Variants in RGS19 observed in about 807,000 individuals in gnomAD.
RGS19 encodes the protein G alpha interacting protein.
Under a neutral mutation model 22.0 loss-of-function variants are expected in RGS19, and 9 were observed. The observed-to-expected ratio is 0.41, with a 90% confidence interval of 0.25 to 0.71. RGS19 has a LOEUF of 0.71. Among genes scored for constraint, RGS19 ranks in the 30% least tolerant of loss-of-function variants. The pLI, the probability that RGS19 is intolerant of heterozygous loss-of-function variation, is 0.32. For missense variants in RGS19, 256 were observed against 307.1 expected (o/e 0.83, Z 1.24); for synonymous variants, 130 against 127.3 (o/e 1.02, Z -0.14).
At position 64,073,851 on chromosome 20, in the gene RGS19, G is replaced by A; in HGVS notation, c.*2C>T. Reference sequence around the variant, plus strand: ...GGCGGGGTCTGTGCTGCTGGGGGCGGCCTAGGCCTCGGAGGAGGACTGTGA... The same window carrying A: ...GGCGGGGTCTGTGCTGCTGGGGGCGACCTAGGCCTCGGAGGAGGACTGTGA... On this transcript the variant is annotated 3_prime_UTR_variant, in exon 6 of 6. Coordinates refer to ENST00000395042, the MANE Select transcript of RGS19 (RefSeq NM_005873.3). 6.2e-7 allele frequency: 1 copy of A among 1,605,596 alleles called. No homozygotes were observed. Among genetic ancestry groups the A allele is most frequent in the African/African-American group, 1.3e-5 (1 of 74,936 alleles).
In RGS19 at chr20:64,074,460, G is replaced by T. The variant is rs1271995922; in HGVS notation, c.227+7C>A. 1 of 1,584,608 alleles carries T rather than the reference G, an allele frequency of 6.3e-7. No individual in the cohort carries two copies. Among genetic ancestry groups the T allele is most frequent in the Admixed American group, 1.8e-5 (1 of 55,758 alleles). On this transcript the variant is annotated splice_region_variant and intron_variant, in intron 4 of 5. Coordinates refer to ENST00000395042, the MANE Select transcript of RGS19 (RefSeq NM_005873.3). The stretch of plus-strand genomic sequence containing the variant: ...CCAGCACGCACACACCAGCCGGCTG[G>T]ACTCACCATACTTCACAGCTGGGGA...
Position 64,073,666 on chromosome 20 carries a change from T to G in RGS19, c.*187A>C. On this transcript the variant is annotated 3_prime_UTR_variant, in exon 6 of 6. Coordinates refer to ENST00000395042, the MANE Select transcript of RGS19 (RefSeq NM_005873.3). Reference sequence around the variant, plus strand: ...CTGGAGGCCCGCCCTGCACCTGGAGTTCCTGCTTGGCCACGGGTGGGCAGA... The same window carrying G: ...CTGGAGGCCCGCCCTGCACCTGGAGGTCCTGCTTGGCCACGGGTGGGCAGA... 1 of 562,168 alleles carries G rather than the reference T, an allele frequency of 1.8e-6. No homozygotes were observed. Among genetic ancestry groups the G allele is most frequent in the Non-Finnish European group, 3.1e-6 (1 of 322,342 alleles). 34.8% of individuals were successfully genotyped at this position (562,168 alleles called of 1,614,324 possible). A position where few individuals can be genotyped will look rare whatever the true frequency, so the allele number is the denominator to read the frequency against.
chr20:64,073,851 G>T lies in RGS19; in HGVS notation c.*2C>A, dbSNP rs2059877065. On this transcript the variant is annotated 3_prime_UTR_variant, in exon 6 of 6. Coordinates refer to ENST00000395042, the MANE Select transcript of RGS19 (RefSeq NM_005873.3). ...GGCGGGGTCTGTGCTGCTGGGGGCG[G>T]CCTAGGCCTCGGAGGAGGACTGTGA... 5 of 1,605,596 alleles carry T rather than the reference G, an allele frequency of 3.1e-6. No homozygotes were observed. The highest frequency in any genetic ancestry group is 4.3e-6 in the Non-Finnish European group (5 of 1,174,942).
chr20:64,076,982 G>C, intron 1 of RGS19, 28 bp from the exon 2 acceptor site: 3 of 1,196,492 alleles, frequency 2.5e-6, no homozygotes, highest in Non-Finnish European at 3.4e-6. Flanking sequence ...GGTTCTGACT[G>C]AGAACCTGAA....
In RGS19 at chr20:64,075,731, C is replaced by T. The variant is rs2059899791; in HGVS notation, c.152+794G>A. The stretch of plus-strand genomic sequence containing the variant: ...CAGGGATGCCCAGAGACGTCCCCGC[C>T]ACCGCCCCCTGCTCTTCTTCCCCCA... On this transcript the variant is annotated intron_variant, in intron 3 of 5. Transcript: ENST00000395042. This position sits in a 1 kb window ranked among gnomAD's most constrained non-coding sequence, Gnocchi z 4.6. Among the ~76,000 whole-genome samples, 1 of 152,180 alleles carries T rather than the reference C, an allele frequency of 6.6e-6. No individual in the cohort carries two copies.
At position 64,073,768 on chromosome 20, in the gene RGS19, C is replaced by T; in HGVS notation, c.*85G>A. ...GGACCCCAGCCGGCCAGGCATGTGC[C>T]CTGACAGCCCTGCCGACAACAACAC... On this transcript the variant is annotated 3_prime_UTR_variant, in exon 6 of 6. Coordinates refer to ENST00000395042, the MANE Select transcript of RGS19 (RefSeq NM_005873.3). 2 of 1,255,120 alleles carry T rather than the reference C, an allele frequency of 1.6e-6. No homozygotes were observed. Among genetic ancestry groups the T allele is most frequent in the South Asian group, 2.8e-5 (2 of 71,972 alleles). 77.7% of individuals were successfully genotyped at this position (1,255,120 alleles called of 1,614,324 possible).
At chr20:64,076,026 C>A (rs1348304999) in intron 3 of RGS19, among the ~76,000 whole-genome samples, 1 of 152,194 alleles carries the variant, frequency 6.6e-6, no homozygotes, top group Non-Finnish European at 1.5e-5. Context: ...GGATTACAGG[C>A]ATGCGCCACC....
chr20:64,076,100 C>T (rs933901850), intron 3 of RGS19, among the ~76,000 whole-genome samples: 2 of 152,130 alleles, frequency 1.3e-5, no homozygotes, highest in African/African-American at 2.4e-5. Flanking sequence ...AGGCTGATCT[C>T]GAACTCCCGA....
Position 64,074,393 on chromosome 20 carries a change from G to T in RGS19, c.228-15C>A. On this transcript the variant is annotated splice_polypyrimidine_tract_variant and intron_variant, in intron 4 of 5. Transcript: ENST00000395042. ...TTGGCGTGGCACTGTGGGCACGGGG[G>T]CCAGGCTATGTCAGGCCCGAGTCTC... 3 of 1,597,236 alleles carry T rather than the reference G, an allele frequency of 1.9e-6. No individual in the cohort carries two copies. Among genetic ancestry groups the T allele is most frequent in the Admixed American group, 1.7e-5 (1 of 58,054 alleles).
Position 64,074,388 on chromosome 20 carries a change from C to T in RGS19, c.228-10G>A, listed in dbSNP as rs376165636. 2.3e-5 allele frequency: 36 copies of T among 1,599,960 alleles called. No homozygotes were observed. In the East Asian group the frequency reaches 3.2e-4, roughly 14 times the overall value. ...AGGACTTGGCGTGGCACTGTGGGCA[C>T]GGGGGCCAGGCTATGTCAGGCCCGA... On this transcript the variant is annotated splice_polypyrimidine_tract_variant and intron_variant, in intron 4 of 5. Coordinates refer to ENST00000395042, the MANE Select transcript of RGS19 (RefSeq NM_005873.3).
Position 64,076,464 on chromosome 20 carries a change from G to T in RGS19, c.152+61C>A, listed in dbSNP as rs1345765262. On this transcript the variant is annotated intron_variant, in intron 3 of 5. Coordinates refer to ENST00000395042, the MANE Select transcript of RGS19 (RefSeq NM_005873.3). ...GAAGCCACCACTGGGTCCCCTCCTG[G>T]GTCTGCTTGGCCCCATGCCCTCGAC... 4 of 1,599,664 alleles carry T rather than the reference G, an allele frequency of 2.5e-6. No homozygotes were observed. The African/African-American group carries it at 5.4e-5, about 21-fold the overall frequency.
rs781546504 is a variant in RGS19 at position 64,076,970 on chromosome 20, A to G, written c.-68-16T>C. ...GCCTGGGGGTCTGGGGAGAGGGGCCAAGGTTCTGACTGAGAACCTGAAACC... is the reference window on the plus strand; with the variant it reads ...GCCTGGGGGTCTGGGGAGAGGGGCCGAGGTTCTGACTGAGAACCTGAAACC... On this transcript the variant is annotated splice_polypyrimidine_tract_variant and intron_variant, in intron 1 of 5. Transcript: ENST00000395042. 1.5e-5 allele frequency: 19 copies of G among 1,304,222 alleles called. No homozygotes were observed. Among genetic ancestry groups the G allele is most frequent in the Admixed American group, 3.3e-5 (1 of 30,454 alleles). The allele number at this position is 1,304,222 out of a possible 1,614,324, so 80.8% of individuals were successfully genotyped here. A position where few individuals can be genotyped will look rare whatever the true frequency, so the allele number is the denominator to read the frequency against.
chr20:64,076,895 G>A lies in RGS19; in HGVS notation c.-9C>T, dbSNP rs773634419. ...TCATGCGGGGTGGGCATGGGTGGGCGGAGGAGGTTGCCCAGGCTCCGTGGT... is the reference window on the plus strand; with the variant it reads ...TCATGCGGGGTGGGCATGGGTGGGCAGAGGAGGTTGCCCAGGCTCCGTGGT... On this transcript the variant is annotated 5_prime_UTR_variant, in exon 2 of 6. Transcript: ENST00000395042. 35 of 1,524,914 alleles carry A rather than the reference G, an allele frequency of 2.3e-5. No individual in the cohort carries two copies. Among genetic ancestry groups the A allele is most frequent in the Middle Eastern group, 2.0e-4 (1 of 5,036 alleles). The allele number at this position is 1,524,914 out of a possible 1,614,324, so 94.5% of individuals were successfully genotyped here.
chr20:64,075,132 G>GAATGTGC lies in RGS19; in HGVS notation c.153-598_153-592dup, dbSNP rs2059895095. On this transcript the variant is annotated intron_variant, in intron 3 of 5. Transcript: ENST00000395042. This position sits in a 1 kb window ranked among gnomAD's most constrained non-coding sequence, Gnocchi z 4.6. ...TGCCTGGGAACAGGGCCACCCATGG[G>GAATGTGC]AATGTGCCTGGGAACAGGGCCACCC... 6.6e-6 allele frequency among the ~76,000 whole-genome samples: 1 copy of GAATGTGC among 151,096 alleles called. No homozygotes were observed. Among genetic ancestry groups the GAATGTGC allele is most frequent in the African/African-American group, 2.5e-5 (1 of 40,814 alleles).
At chr20:64,077,690 T>C (rs1601615014) in intron 1 of RGS19, among the ~76,000 whole-genome samples, 1 of 151,766 alleles carries the variant, frequency 6.6e-6, no homozygotes, top group Admixed American at 6.6e-5. Context: ...GTGGCAGGGG[T>C]GGGGGGCACC....
In RGS19 at chr20:64,074,277, G is replaced by C. The variant is rs2059884682; in HGVS notation, c.329C>G (p.Thr110Arg). Reference sequence around the variant, plus strand: ...GAGCATGTTCTCCTCGCTGTACTCTGTCCGCAGGAACGCCCGGAACACGCT... The same window carrying C: ...GAGCATGTTCTCCTCGCTGTACTCTCTCCGCAGGAACGCCCGGAACACGCT... ...GRSVFRAFLR[T>R]EYSEENMLFW... Residue 110 changes from threonine (T) to arginine (R), a missense_variant, in exon 5 of 6, where the codon ACA (threonine) becomes AGA (arginine). By Grantham distance (71) the Thr-to-Arg change is moderately conservative. Transcript: ENST00000395042. The C allele has an allele frequency of 6.2e-7, 1 of 1,613,448 alleles. No homozygotes were observed. Among genetic ancestry groups the C allele is most frequent in the Non-Finnish European group, 8.5e-7 (1 of 1,180,028 alleles).
At chr20:64,078,742 C>T (rs923680751) in intron 1 of RGS19, among the ~76,000 whole-genome samples, 2 of 152,170 alleles carry the variant, frequency 1.3e-5, no homozygotes, top group South Asian at 2.1e-4. Flanking sequence ...ACCCTCCCCC[C>T]GTCTCTCCTG....
rs949216356 is a variant in RGS19, at chr20:64,073,544, G to C, written c.*309C>G. 2 of 325,772 alleles carry C rather than the reference G, an allele frequency of 6.1e-6. No homozygotes were observed. The highest frequency in any genetic ancestry group is 9.1e-5 in the Admixed American group (2 of 21,872). The allele number at this position is 325,772 out of a possible 1,614,324, so 20.2% of individuals were successfully genotyped here. On this transcript the variant is annotated 3_prime_UTR_variant, in exon 6 of 6. Transcript: ENST00000395042. ...GGCTCATGGGTCCAGCATGGCTCCT[G>C]GGGGGACCCCTACTCTCACCACGCA... is the stretch of plus-strand genomic sequence containing the variant.
At chr20:64,076,702 C>T (rs2059908469) in intron 2 of RGS19, 56 bp from the exon 3 acceptor site, 11 of 1,539,442 alleles carry the variant, frequency 7.1e-6, no homozygotes, top group Non-Finnish European at 9.7e-6. Flanking sequence ...AGACTCTCCA[C>T]CTCTCCCCCA....
Sources: allele counts gnomAD v4.1 joint callset (sites outside exome capture counted in the v4.1 genomes callset), GRCh38; gene constraint gnomAD v4.1.1; non-coding constraint Gnocchi (gnomAD v3.1); transcripts MANE v1.5; gene names NCBI Gene and HGNC (gene_info 2026-07-23, HGNC 2026-07-21).